The following SF3B6 variants were observed in gnomAD, a reference collection of about 807,000 sequenced individuals.
The protein encoded by SF3B6 is splicing factor 3b subunit 6.
SF3B6 carries 3 observed loss-of-function variants against 15.9 expected under a neutral mutation model. That is an observed-to-expected ratio of 0.19 (90% confidence interval 0.09 to 0.49). SF3B6 has a LOEUF of 0.49. Among genes scored for constraint, SF3B6 ranks in the 20% least tolerant of loss-of-function variants. The pLI, the probability that SF3B6 is intolerant of heterozygous loss-of-function variation, is 0.97. For synonymous variants in SF3B6, 49 were observed against 51.1 expected (o/e 0.96, Z 0.18); for missense variants, 71 against 154.3 (o/e 0.46, Z 2.86).
In SF3B6 at chr2:24,076,296, G is replaced by C. The variant is rs1664748081; in HGVS notation, c.-67C>G. ...CCTCCGGAGCTCGCTCGGCTTCGGG[G>C]GTTACACCGCGTTAGATGCAGGACA... On this transcript the variant is annotated 5_prime_UTR_variant, in exon 1 of 4. Coordinates refer to ENST00000233468, the MANE Select transcript of SF3B6 (RefSeq NM_016047.4). 1.2e-5 allele frequency: 19 copies of C among 1,591,210 alleles called. No homozygotes were observed. Among genetic ancestry groups the C allele is most frequent in the Non-Finnish European group, 1.6e-5 (19 of 1,159,308 alleles).
intron 2 of SF3B6, among the ~76,000 whole-genome samples, chr2:24,070,597 C>T (rs10189013): frequency 0.12 from 18,159 of 152,184 alleles, 1,265 homozygotes; most frequent in South Asian, 0.18. Context: ...TTAAAAAGTA[C>T]AAAGTACCAA....
intron 2 of SF3B6, among the ~76,000 whole-genome samples, chr2:24,071,331 A>T (rs886737489): frequency 1.3e-5 from 2 of 152,166 alleles, no homozygotes; most frequent in East Asian, 3.9e-4. Context: ...TCGGCTTGGC[A>T]CGGTGGCTCA....
intron 1 of SF3B6, among the ~76,000 whole-genome samples, chr2:24,074,783 T>C (rs1173900524): frequency 6.6e-6 from 1 of 152,234 alleles, no homozygotes; most frequent in Non-Finnish European, 1.5e-5. Flanking sequence ...CACACTCTGC[T>C]GGATTGCTCC....
In SF3B6 at chr2:24,076,224, C is replaced by T. The variant is rs1208650632; in HGVS notation, c.6G>A (p.Ala2=). The T allele has an allele frequency of 6.2e-7, 1 of 1,614,218 alleles. No homozygotes were observed. Among genetic ancestry groups the T allele is most frequent in the Non-Finnish European group, 8.5e-7 (1 of 1,180,032 alleles). Residue 2 remains alanine (A), a synonymous_variant, in exon 1 of 4, where the codon GCG becomes GCA. Transcript: ENST00000233468. M[A]MQAAKRANIR... Reference sequence around the variant, plus strand: ...CGTTCGCCCTCTTGGCCGCTTGCATCGCCATCTTGGCGGGCTGATGAAGTT... The same window carrying T: ...CGTTCGCCCTCTTGGCCGCTTGCATTGCCATCTTGGCGGGCTGATGAAGTT...
At chr2:24,074,865 A>G (rs916177095) in intron 1 of SF3B6, among the ~76,000 whole-genome samples, 2 of 152,094 alleles carry the variant, frequency 1.3e-5, no homozygotes, top group Admixed American at 1.3e-4. Flanking sequence ...GCGGTGGCTC[A>G]TGCCTGTAAT....
At chr2:24,069,421 C>T (rs6714074) in intron 2 of SF3B6, among the ~76,000 whole-genome samples, 2,269 of 152,290 alleles carry the variant, frequency 0.015, 50 homozygotes, top group African/African-American at 0.052. Context: ...AGCAACGCAA[C>T]GCTAAATTGC....
At chr2:24,072,978 G>T (rs2150978565) in intron 2 of SF3B6, among the ~76,000 whole-genome samples, 1 of 152,316 alleles carries the variant, frequency 6.6e-6, no homozygotes, top group African/African-American at 2.4e-5. Flanking sequence ...GTATTCTTCT[G>T]TGGAAGGAGT....
At chr2:24,072,983 A>G (rs6720226) in intron 2 of SF3B6, among the ~76,000 whole-genome samples, 59,673 of 152,082 alleles carry the variant, frequency 0.39, 12,552 homozygotes, top group African/African-American at 0.53. Flanking sequence ...CTTCTGTGGA[A>G]GGAGTCTAAA....
intron 2 of SF3B6, among the ~76,000 whole-genome samples, chr2:24,070,656 C>A (rs1664638901): frequency 6.6e-6 from 1 of 152,188 alleles, no homozygotes; most frequent in Non-Finnish European, 1.5e-5. Flanking sequence ...CCTGATTTGA[C>A]TGGGACTGTC....
Position 24,075,595 on chromosome 2 carries a change from A to T in SF3B6, c.30+605T>A, listed in dbSNP as rs570296788. Among the ~76,000 whole-genome samples, 940 of 108,138 alleles carry T rather than the reference A, an allele frequency of 8.7e-3. 3 individuals are homozygous for T. The highest frequency in any genetic ancestry group is 0.043 in the East Asian group (203 of 4,730). 70.9% of individuals were successfully genotyped at this position (108,138 alleles called of 152,430 possible). ...TCTCTTTTTTGAGTTTTTTTTTTTT[A>T]AAAGTTTCCGTAACACTGTACTCTC... On this transcript the variant is annotated intron_variant, in intron 1 of 3. Coordinates refer to ENST00000233468, the MANE Select transcript of SF3B6 (RefSeq NM_016047.4).
chr2:24,072,290 C>T (rs1042769586), intron 2 of SF3B6, among the ~76,000 whole-genome samples: 3 of 152,124 alleles, frequency 2.0e-5, no homozygotes, highest in African/African-American at 7.2e-5. Flanking sequence ...CTGGCCTATT[C>T]TACTATTTTC....
At position 24,074,186 on chromosome 2, in the gene SF3B6, A is replaced by C; in HGVS notation, c.39T>G (p.Leu13=). 3.2e-6 allele frequency: 5 copies of C among 1,562,614 alleles called. No individual in the cohort carries two copies. Among genetic ancestry groups the C allele is most frequent in the Non-Finnish European group, 4.4e-6 (5 of 1,136,376 alleles). ...ACAATATCCGATTTACTTCAGGTGG[A>C]AGTCGAATCTAAAATGAGAAATACG... ...MQAAKRANIR[L]PPEVNRILYI... The change falls in exon 2 of 4, where the codon CTT becomes CTG. Residue 13 remains leucine, a synonymous_variant. Coordinates refer to ENST00000233468, the MANE Select transcript of SF3B6 (RefSeq NM_016047.4).
chr2:24,071,654 G>C (rs752984983), intron 2 of SF3B6, among the ~76,000 whole-genome samples: 47 of 152,178 alleles, frequency 3.1e-4, no homozygotes, highest in Admixed American at 7.9e-4. Flanking sequence ...AACAGATAGG[G>C]AAACAGGGAG....
chr2:24,075,592 TTTA>T (rs1664729141), intron 1 of SF3B6, among the ~76,000 whole-genome samples: 1 of 146,544 alleles, frequency 6.8e-6, no homozygotes, highest in African/African-American at 2.5e-5. Flanking sequence ...GTTTTTTTTT[TTTA>T]AAAGTTTCCG....
In SF3B6 at chr2:24,076,264, T is replaced by A. The variant is rs146170317; in HGVS notation, c.-35A>T. The A allele has an allele frequency of 4.3e-5, 69 of 1,614,110 alleles. No individual in the cohort carries two copies. The African/African-American group carries it at 8.1e-4, about 19-fold the overall frequency. ...CTGATGAAGTTACCGTAGCAGATAC[T>A]GAAATTCCTCCGGAGCTCGCTCGGC... On this transcript the variant is annotated 5_prime_UTR_variant, in exon 1 of 4. Transcript: ENST00000233468.
intron 2 of SF3B6, chr2:24,073,615 A>G (rs1664688984): frequency 6.6e-6 from 1 of 152,374 alleles, no homozygotes; most frequent in Non-Finnish European, 1.5e-5. Context: ...GTAGTTGAAA[A>G]TATCATTTTT....
In SF3B6 at chr2:24,076,322, T is replaced by C; in HGVS notation, c.-93A>G. On this transcript the variant is annotated 5_prime_UTR_variant, in exon 1 of 4. The change abolishes an upstream ATG in the 5' untranslated region. Transcript: ENST00000233468. ...GTTACACCGCGTTAGATGCAGGACA[T>C]CAACATCCAGGACCCGCCGGAAGCT... The C allele has an allele frequency of 1.3e-6, 2 of 1,496,930 alleles. No individual in the cohort carries two copies. The highest frequency in any genetic ancestry group is 1.9e-6 in the Non-Finnish European group (2 of 1,073,474). 92.7% of individuals were successfully genotyped at this position (1,496,930 alleles called of 1,614,324 possible).
At chr2:24,070,864 C>T (rs2150977937) in intron 2 of SF3B6, among the ~76,000 whole-genome samples, 1 of 152,308 alleles carries the variant, frequency 6.6e-6, no homozygotes, top group South Asian at 2.1e-4. Flanking sequence ...ACCTATTCAA[C>T]ACATAGACTA....
intron 3 of SF3B6, among the ~76,000 whole-genome samples, 158 bp downstream of exon 3, chr2:24,068,163 C>T (rs921437207): frequency 2.6e-5 from 4 of 152,188 alleles, no homozygotes; most frequent in Admixed American, 6.5e-5. Flanking sequence ...CGGGGTTTCA[C>T]CGTGTTAGCC....
Sources: allele counts gnomAD v4.1 joint callset (sites outside exome capture counted in the v4.1 genomes callset), GRCh38; gene constraint gnomAD v4.1.1; transcripts MANE v1.5; gene names NCBI Gene and HGNC (gene_info 2026-07-23, HGNC 2026-07-21).